The following KIF20B variants were observed in gnomAD, a reference collection of about 807,000 sequenced individuals.
KIF20B encodes kinesin-like protein KIF20B.
Under a neutral mutation model 232.5 loss-of-function variants are expected in KIF20B, and 188 were observed. That is an observed-to-expected ratio of 0.81 (90% CI 0.72 to 0.91). KIF20B has a LOEUF of 0.91. Among genes scored for constraint, KIF20B ranks in the 40% least tolerant of loss-of-function variants. The probability of loss-of-function intolerance (pLI) is 0.00; values close to 1 mark genes in which losing one functional copy is unlikely to be tolerated. For synonymous variants in KIF20B, 712 were observed against 683.0 expected (o/e 1.04, Z -0.66); for missense variants, 2,154 against 2,055.9 (o/e 1.05, Z -0.92).
In KIF20B at chr10:89,719,721, C is replaced by A; in HGVS notation, c.1722+15C>A. 6.4e-7 allele frequency: 1 copy of A among 1,551,858 alleles called. No individual in the cohort carries two copies. Reference sequence around the variant, plus strand: ...AGGAGAAAAGAGTATGTATTAAGAACTCATACTTCTATGCTTGTCTTCTTA... The same window carrying A: ...AGGAGAAAAGAGTATGTATTAAGAAATCATACTTCTATGCTTGTCTTCTTA... On this transcript the variant is annotated intron_variant, in intron 13 of 32. Coordinates refer to ENST00000371728, the MANE Select transcript of KIF20B (RefSeq NM_001284259.2).
At chr10:89,733,108 C>T (rs1444016406) in intron 19 of KIF20B, 52 bp downstream of exon 19, 1 of 1,589,808 alleles carries the variant, frequency 6.3e-7, no homozygotes, top group African/African-American at 1.3e-5. Context: ...ATTTCTAAAC[C>T]AGTAAATAGA....
chr10:89,733,918 A>C (rs974998887), intron 19 of KIF20B, among the ~76,000 whole-genome samples: 7 of 152,208 alleles, frequency 4.6e-5, no homozygotes, highest in African/African-American at 1.7e-4. Context: ...AAAAAAGAAC[A>C]TGCATTGCAT....
At chr10:89,740,727 C>A (rs1261508507) in intron 21 of KIF20B, among the ~76,000 whole-genome samples, 3 of 152,182 alleles carry the variant, frequency 2.0e-5, no homozygotes, top group African/African-American at 7.2e-5. Flanking sequence ...GTGGCGTGAT[C>A]ATAGCTCACT....
At chr10:89,757,069 T>TATATATATATATATATATATATAC (rs138088478) in intron 26 of KIF20B, among the ~76,000 whole-genome samples, 2 of 134,366 alleles carry the variant, frequency 1.5e-5, no homozygotes, top group Admixed American at 8.4e-5. Context: ...TATATATATA[T>TATATATATATATATATATATATAC]ACACACATGA....
At chr10:89,733,654 A>T (rs1843380228) in intron 19 of KIF20B, among the ~76,000 whole-genome samples, 1 of 152,214 alleles carries the variant, frequency 6.6e-6, no homozygotes, top group Non-Finnish European at 1.5e-5. Flanking sequence ...TGAGGAAATA[A>T]ATAGGAAAAT....
intron 23 of KIF20B, among the ~76,000 whole-genome samples, chr10:89,750,198 T>C (rs1483642857): frequency 3.3e-5 from 5 of 152,192 alleles, no homozygotes; most frequent in South Asian, 4.1e-4. Flanking sequence ...ATTGGTGTTC[T>C]GGAAATTTTT....
intron 13 of KIF20B, among the ~76,000 whole-genome samples, chr10:89,722,848 CA>C (rs1192607379): frequency 1.3e-5 from 2 of 152,024 alleles, no homozygotes; most frequent in African/African-American, 4.8e-5. Flanking sequence ...AAAGATCTCT[CA>C]AATCTACCAT....
chr10:89,717,662 A>G lies in KIF20B; in HGVS notation c.1211A>G (p.Asn404Ser). The G allele has an allele frequency of 8.1e-6, 13 of 1,610,094 alleles. No individual in the cohort carries two copies. The highest frequency in any genetic ancestry group is 1.1e-5 in the Non-Finnish European group (13 of 1,176,956). ...GERLRETGNI[N>S]TSLLTLGKCI... ...AGGTTAAGAGAGACTGGGAATATCA[A>G]CACTTCTTTATTGACTCTGGGAAAG... The change falls in exon 11 of 33, where the codon AAC (asparagine) becomes AGC (serine). Residue 404 changes from asparagine to serine, a missense_variant. By Grantham distance (46) the Asn-to-Ser change is conservative. Coordinates refer to ENST00000371728, the MANE Select transcript of KIF20B (RefSeq NM_001284259.2).
intron 26 of KIF20B, among the ~76,000 whole-genome samples, chr10:89,755,420 C>T (rs1322614918): frequency 2.4e-5 from 3 of 126,340 alleles, no homozygotes; most frequent in Admixed American, 2.4e-4. Flanking sequence ...CTTTCCTTCC[C>T]TCCCCTCCCC....
At chr10:89,733,802 C>G (rs1227595834) in intron 19 of KIF20B, among the ~76,000 whole-genome samples, 2 of 152,112 alleles carry the variant, frequency 1.3e-5, no homozygotes, top group Non-Finnish European at 2.9e-5. Flanking sequence ...ACCTTGTCCA[C>G]TGAGCTTTTA....
chr10:89,715,171 C>A lies in KIF20B; in HGVS notation c.929C>A (p.Ser310Tyr). The A allele has an allele frequency of 6.3e-7, 1 of 1,585,906 alleles. No homozygotes were observed. The highest frequency in any genetic ancestry group is 8.6e-7 in the Non-Finnish European group (1 of 1,163,726). Residue 310 changes from serine (S) to tyrosine (Y), a missense_variant, in exon 8 of 33, where the codon TCT (serine) becomes TAT (tyrosine). By Grantham distance (144) the Ser-to-Tyr change is moderately radical. Transcript: ENST00000371728. ...LRLSQDVKGY[S>Y]FIKDLQWIQV... Reference sequence around the variant, plus strand: ...CTTTCCCAAGACGTAAAGGGCTATTCTTTTATAAAAGGTATACTAATGAAT... The same window carrying A: ...CTTTCCCAAGACGTAAAGGGCTATTATTTTATAAAAGGTATACTAATGAAT...
intron 24 of KIF20B, among the ~76,000 whole-genome samples, chr10:89,751,677 G>A (rs1322273336): frequency 6.6e-6 from 1 of 151,806 alleles, no homozygotes; most frequent in Non-Finnish European, 1.5e-5. Flanking sequence ...AAGGAGTAAG[G>A]ACACTGCATG....
intron 19 of KIF20B, 128 bp downstream of exon 19, chr10:89,733,184 A>C: frequency 1.1e-6 from 1 of 895,538 alleles, no homozygotes; most frequent in East Asian, 2.7e-5. Context: ...AACGTCTTGA[A>C]TTTTTATTCT....
At chr10:89,728,943 GTGTGTA>G (rs1236136558) in intron 17 of KIF20B, among the ~76,000 whole-genome samples, 179 bp from the exon 18 acceptor site, 2,846 of 77,710 alleles carry the variant, frequency 0.037, 64 homozygotes, top group African/African-American at 0.13. Context: ...GTGTGTGTGT[GTGTGTA>G]TGTAATTTTT....
At chr10:89,704,276 A>G (rs570921250) in intron 1 of KIF20B, among the ~76,000 whole-genome samples, 5 of 152,238 alleles carry the variant, frequency 3.3e-5, no homozygotes, top group Admixed American at 6.5e-5. Context: ...AATCTTGTCA[A>G]AAAACAGCAC....
intron 19 of KIF20B, 124 bp from the exon 20 acceptor site, chr10:89,737,263 A>G (rs1376198816): frequency 3.4e-6 from 3 of 888,024 alleles, no homozygotes; most frequent in Non-Finnish European, 3.0e-6. Flanking sequence ...AGCTTATTTC[A>G]TTTTTTTTTT....
Position 89,774,640 on chromosome 10 carries a change from T to C in KIF20B, c.*592T>C. The C allele has an allele frequency of 6.6e-6, 1 of 152,046 alleles. No individual in the cohort carries two copies. The highest frequency in any genetic ancestry group is 1.5e-5 in the Non-Finnish European group (1 of 67,942). 9.4% of individuals were successfully genotyped at this position (152,046 alleles called of 1,614,324 possible). On this transcript the variant is annotated 3_prime_UTR_variant, in exon 33 of 33. Transcript: ENST00000371728. ...TGTGAAATACGTGTATCATGGAGAA[T>C]GAGGTATCCATCCCCTCAAGCATTT... is the stretch of plus-strand genomic sequence containing the variant.
rs370731821 is a variant in KIF20B, at chr10:89,705,385, G to C, written c.91G>C (p.Asp31His). Residue 31 changes from aspartate to histidine, a missense_variant, in exon 2 of 33, where the codon GAT becomes CAT. Transcript: ENST00000371728. ...PIARPSEINF[D>H]GIKLDLSHEF... ...TGCAAGGCCTTCAGAAATAAATTTC[G>C]ATGGCATTAAGCTTGATCTGTCTCA... The C allele has an allele frequency of 6.2e-7, 1 of 1,613,946 alleles. No homozygotes were observed. Among genetic ancestry groups the C allele is most frequent in the Non-Finnish European group, 8.5e-7 (1 of 1,179,926 alleles).
At chr10:89,764,354 CAT>C (rs1842309238) in intron 29 of KIF20B, among the ~76,000 whole-genome samples, 2 of 152,192 alleles carry the variant, frequency 1.3e-5, no homozygotes, top group South Asian at 2.1e-4. Flanking sequence ...CCACAATAAA[CAT>C]ATGTGTGCAT....
Sources: allele counts gnomAD v4.1 joint callset (sites outside exome capture counted in the v4.1 genomes callset), GRCh38; gene constraint gnomAD v4.1.1; transcripts MANE v1.5; gene names NCBI Gene and HGNC (gene_info 2026-07-23, HGNC 2026-07-21).